The following LARGE1 variants were observed in gnomAD, a reference collection of about 807,000 sequenced individuals.
The protein encoded by LARGE1 is xylosyl- and glucuronyltransferase LARGE1.
A neutral mutation model predicts 87.6 loss-of-function variants in LARGE1; 43 were observed. That is an observed-to-expected ratio of 0.49 (90% CI 0.38 to 0.63). The LOEUF is 0.63. Among genes scored for constraint, LARGE1 ranks in the 30% least tolerant of loss-of-function variants. The pLI is 0.00. For synonymous variants in LARGE1, 434 were observed against 394.6 expected, an observed-to-expected ratio of 1.10 and a Z score of -1.18; for missense variants, 802 against 1,000.2, an observed-to-expected ratio of 0.80 and a Z score of 2.67.
At chr22:33,396,484 A>AGG in intron 7 of LARGE1, among the ~76,000 whole-genome samples, 1 of 149,544 alleles carries the variant, frequency 6.7e-6, no homozygotes, top group Non-Finnish European at 1.5e-5. Context: ...AGAGAGAGAG[A>AGG]GAGAGAGAGA....
intron 11 of LARGE1, among the ~76,000 whole-genome samples, chr22:33,310,287 C>T (rs1935421537): frequency 6.6e-6 from 1 of 152,206 alleles, no homozygotes; most frequent in Non-Finnish European, 1.5e-5. Context: ...GACCTGTCAT[C>T]CCCATGAGGC....
At chr22:33,573,236 C>G (rs1436881482) in intron 5 of LARGE1, among the ~76,000 whole-genome samples, 1 of 152,094 alleles carries the variant, frequency 6.6e-6, no homozygotes, top group Non-Finnish European at 1.5e-5. Context: ...GTCAGGAGTT[C>G]AAGACCAGCC....
At chr22:33,482,286 A>G (rs1321379427) in intron 6 of LARGE1, among the ~76,000 whole-genome samples, 1 of 152,306 alleles carries the variant, frequency 6.6e-6, no homozygotes, top group Non-Finnish European at 1.5e-5. Context: ...ATTAGCAAAG[A>G]CAAGGTGTTG....
intron 9 of LARGE1, among the ~76,000 whole-genome samples, chr22:33,368,850 C>T (rs79355391): frequency 6.6e-6 from 1 of 152,170 alleles, no homozygotes; most frequent in Non-Finnish European, 1.5e-5. Flanking sequence ...AAAATACGTA[C>T]TTTAATTAAG....
chr22:33,497,693 TATTA>T (rs979602376), intron 6 of LARGE1, among the ~76,000 whole-genome samples: 5 of 152,310 alleles, frequency 3.3e-5, no homozygotes, highest in African/African-American at 1.2e-4. Flanking sequence ...ATCAATATAT[TATTA>T]ATTACTTCTA....
intron 6 of LARGE1, among the ~76,000 whole-genome samples, chr22:33,450,024 G>A (rs1052338318): frequency 1.3e-5 from 2 of 151,734 alleles, no homozygotes; most frequent in African/African-American, 4.8e-5. Context: ...TGATTCTACT[G>A]CCTCAGCCTC....
chr22:33,564,906 C>T lies in LARGE1; in HGVS notation c.729G>A (p.Thr243=), dbSNP rs1176140640. 5.6e-6 allele frequency: 9 copies of T among 1,614,060 alleles called. No homozygotes were observed. Among genetic ancestry groups the T allele is most frequent in the Non-Finnish European group, 5.1e-6 (6 of 1,180,034 alleles). Residue 243 remains threonine, a synonymous_variant, in exon 6 of 15, where the codon ACG becomes ACA. Coordinates refer to ENST00000397394, the MANE Select transcript of LARGE1 (RefSeq NM_133642.5). Reference sequence around the variant, plus strand: ...CAATGTCAGTGGCAAAGGTGATATCCGTGTCAAGGACGATGACTCTCTCCA... The same window carrying T: ...CAATGTCAGTGGCAAAGGTGATATCTGTGTCAAGGACGATGACTCTCTCCA... ...ANLERVIVLD[T]DITFATDIAE...
chr22:33,541,186 A>G (rs2077194462), intron 6 of LARGE1, among the ~76,000 whole-genome samples: 1 of 111,594 alleles, frequency 9.0e-6, no homozygotes, highest in Non-Finnish European at 1.8e-5. Flanking sequence ...TCTCAAAAAA[A>G]GTGGGGGAAA....
intron 1 of LARGE1, among the ~76,000 whole-genome samples, chr22:33,882,042 T>C (rs2064704162): frequency 6.7e-6 from 1 of 149,348 alleles, no homozygotes; most frequent in Non-Finnish European, 1.5e-5. Context: ...TTTGTTTTTT[T>C]TTGTTTTTTT....
At chr22:33,150,838 T>A in the LARGE1 span, among the ~76,000 whole-genome samples, 1 of 152,228 alleles carries the variant, frequency 6.6e-6, no homozygotes, top group Non-Finnish European at 1.5e-5. Flanking sequence ...CCATCCTGTC[T>A]TGATTACTAT....
At chr22:33,379,432 GC>G (rs1569110016) in intron 9 of LARGE1, among the ~76,000 whole-genome samples, 1 of 151,752 alleles carries the variant, frequency 6.6e-6, no homozygotes, top group African/African-American at 2.4e-5. Flanking sequence ...CCCATGACAG[GC>G]CCCGGTGTGT....
intron 11 of LARGE1, among the ~76,000 whole-genome samples, chr22:33,264,657 TCAAAACAAAA>T (rs370150198): frequency 4.6e-5 from 7 of 152,080 alleles, no homozygotes; most frequent in Non-Finnish European, 8.8e-5. Flanking sequence ...AGACTTCATA[TCAAAACAAAA>T]CAAAACAAAA....
At chr22:33,649,816 T>C (rs1264466702) in intron 3 of LARGE1, among the ~76,000 whole-genome samples, 2 of 152,246 alleles carry the variant, frequency 1.3e-5, no homozygotes, top group Non-Finnish European at 2.9e-5. Context: ...ATATCCCACA[T>C]TTCCAAAGAG....
intron 5 of LARGE1, 39 bp from the exon 6 acceptor site, chr22:33,565,058 A>T (rs567865314): frequency 2.6e-6 from 4 of 1,567,592 alleles, no homozygotes; most frequent in Non-Finnish European, 3.5e-6. Flanking sequence ...GGAGAAAGGG[A>T]AAAAAAATTG....
intron 11 of LARGE1, among the ~76,000 whole-genome samples, chr22:33,264,728 TCTCTG>T (rs980064945): frequency 6.6e-6 from 1 of 151,894 alleles, no homozygotes; most frequent in African/African-American, 2.4e-5. Flanking sequence ...CAACAAAGTC[TCTCTG>T]CTTGATGAAA....
At chr22:33,231,389 T>C (rs1308092364) in intron 11 of LARGE1, among the ~76,000 whole-genome samples, 1 of 152,212 alleles carries the variant, frequency 6.6e-6, no homozygotes, top group Non-Finnish European at 1.5e-5. Context: ...TGTACTTCAA[T>C]ACCTAACTAT....
intron 2 of LARGE1, among the ~76,000 whole-genome samples, chr22:33,692,847 A>G (rs993936825): frequency 1.1e-4 from 16 of 152,236 alleles, no homozygotes; most frequent in African/African-American, 3.9e-4. Flanking sequence ...TAGGTATTAA[A>G]GAAAAAAAGG....
intron 1 of LARGE1, among the ~76,000 whole-genome samples, chr22:33,913,577 C>T (rs1297319027): frequency 6.6e-6 from 1 of 152,112 alleles, no homozygotes; most frequent in Non-Finnish European, 1.5e-5. Flanking sequence ...AGGAGTCTTG[C>T]TCTTTCCCCA....
intron 6 of LARGE1, among the ~76,000 whole-genome samples, chr22:33,466,512 C>T (rs942790718): frequency 3.3e-5 from 5 of 151,984 alleles, no homozygotes; most frequent in South Asian, 2.1e-4. Context: ...AGGAAGGCTG[C>T]ATTAAATTTG....
Sources: allele counts gnomAD v4.1 joint callset (sites outside exome capture counted in the v4.1 genomes callset), GRCh38; gene constraint gnomAD v4.1.1; transcripts MANE v1.5; gene names NCBI Gene and HGNC (gene_info 2026-07-23, HGNC 2026-07-21).